SPATS2L: variants seen among roughly 807,000 people sequenced by gnomAD.
SPATS2L encodes spermatogenesis associated serine rich 2 like, also known as SPATS2-like protein.
A neutral mutation model predicts 59.6 loss-of-function variants in SPATS2L; 30 were observed. The ratio of observed to expected loss-of-function variants is 0.50; its 90% CI spans 0.38 to 0.68. The LOEUF (loss-of-function observed/expected upper bound fraction) is 0.68, where lower values mean the gene tolerates loss of function less well. Ranked by LOEUF, SPATS2L falls within the 30% of genes least tolerant of loss-of-function variation. SPATS2L has a pLI of 0.00. For synonymous variants in SPATS2L, 252 were observed against 263.5 expected (o/e 0.96, Z 0.42); for missense variants, 615 against 700.0 (o/e 0.88, Z 1.37).
rs565145811 is a variant in SPATS2L at position 200,476,186 on chromosome 2, G to A, written c.1282-1450G>A. On this transcript the variant is annotated intron_variant, in intron 12 of 12. Transcript: ENST00000409140. Reference sequence around the variant, plus strand: ...GCTCATCCATTTACGTTCCTGGTCAGTGATGTGTTGAAGGAATGATTTTTT... The same window carrying A: ...GCTCATCCATTTACGTTCCTGGTCAATGATGTGTTGAAGGAATGATTTTTT... Among the ~76,000 whole-genome samples, 42 of 152,288 alleles carry A rather than the reference G, an allele frequency of 2.8e-4. No individual in the cohort carries two copies. The South Asian group carries it at 7.7e-3, about 28-fold the overall frequency.
At chr2:200,317,182 T>A (rs988096072) in intron 1 of SPATS2L, among the ~76,000 whole-genome samples, 3 of 152,214 alleles carry the variant, frequency 2.0e-5, no homozygotes, top group African/African-American at 7.2e-5. Flanking sequence ...AAACTCTATT[T>A]AGTTTCCTAT....
At chr2:200,388,441 G>A (rs2082062165) in intron 2 of SPATS2L, among the ~76,000 whole-genome samples, 1 of 151,986 alleles carries the variant, frequency 6.6e-6, no homozygotes, top group East Asian at 1.9e-4. Context: ...GTGTGGTGGT[G>A]CATACCTGCA....
At chr2:200,395,749 G>C (rs938545912) in intron 3 of SPATS2L, among the ~76,000 whole-genome samples, 2 of 151,896 alleles carry the variant, frequency 1.3e-5, no homozygotes, top group Admixed American at 6.6e-5. Flanking sequence ...GCCTGGCATG[G>C]TGGCTCACAC....
intron 9 of SPATS2L, chr2:200,461,423 C>T (rs1268969195): frequency 6.6e-6 from 1 of 152,114 alleles, no homozygotes; most frequent in African/African-American, 2.4e-5. Flanking sequence ...AGAAGAATTA[C>T]CATCTTAAAT....
chr2:200,330,847 C>A (rs981918070), intron 2 of SPATS2L, among the ~76,000 whole-genome samples: 4 of 152,206 alleles, frequency 2.6e-5, no homozygotes, highest in African/African-American at 9.7e-5. Context: ...ATGTTTTACC[C>A]TGCAAAAGAT....
At chr2:200,408,292 G>A (rs548264545) in intron 3 of SPATS2L, among the ~76,000 whole-genome samples, 8 of 152,302 alleles carry the variant, frequency 5.3e-5, no homozygotes, top group African/African-American at 1.7e-4. Context: ...GCAAGTTGGA[G>A]CCCAATTGTT....
At chr2:200,464,558 G>C (rs1005690158) in intron 9 of SPATS2L, among the ~76,000 whole-genome samples, 3 of 152,184 alleles carry the variant, frequency 2.0e-5, no homozygotes, top group African/African-American at 7.2e-5. Flanking sequence ...AGAAAAGTTA[G>C]ATCTGTTGGA....
chr2:200,307,653 G>T (rs1013594865), intron 1 of SPATS2L, among the ~76,000 whole-genome samples: 3 of 152,232 alleles, frequency 2.0e-5, no homozygotes, highest in African/African-American at 7.2e-5. Context: ...GCTGGACGCC[G>T]GCGCACTCTG....
intron 2 of SPATS2L, among the ~76,000 whole-genome samples, chr2:200,334,609 T>A (rs1345937171): frequency 2.6e-5 from 4 of 151,890 alleles, no homozygotes; most frequent in Admixed American, 6.6e-5. Flanking sequence ...CTGAATGGTA[T>A]TGCCTAGGTT....
chr2:200,307,414 G>A (rs971824775), intron 1 of SPATS2L, among the ~76,000 whole-genome samples: 4 of 151,944 alleles, frequency 2.6e-5, no homozygotes, highest in African/African-American at 9.7e-5. Flanking sequence ...TCGGATCCCA[G>A]CCGGGTGCGG....
intron 1 of SPATS2L, among the ~76,000 whole-genome samples, chr2:200,311,082 T>G (rs2079178623): frequency 6.6e-6 from 1 of 152,212 alleles, no homozygotes; most frequent in Non-Finnish European, 1.5e-5. Flanking sequence ...ACCGATAAAA[T>G]GAATAAATGT....
intron 2 of SPATS2L, among the ~76,000 whole-genome samples, chr2:200,371,621 T>C (rs2081429392): frequency 6.6e-6 from 1 of 152,174 alleles, no homozygotes; most frequent in Non-Finnish European, 1.5e-5. Context: ...GAGGAATAAG[T>C]GCACTCTCAA....
intron 8 of SPATS2L, among the ~76,000 whole-genome samples, chr2:200,456,917 T>C (rs752154200): frequency 9.2e-5 from 14 of 152,158 alleles, no homozygotes; most frequent in Non-Finnish European, 1.3e-4. Context: ...TTCCTCTCTA[T>C]CTGCTTTTCA....
chr2:200,431,487 C>T (rs2083929483), intron 6 of SPATS2L, among the ~76,000 whole-genome samples: 2 of 152,176 alleles, frequency 1.3e-5, no homozygotes, highest in African/African-American at 4.8e-5. Context: ...CCAAATACAA[C>T]TACTTTACAA....
intron 4 of SPATS2L, among the ~76,000 whole-genome samples, chr2:200,413,313 T>C (rs1286140215): frequency 6.6e-6 from 1 of 152,202 alleles, no homozygotes; most frequent in Non-Finnish European, 1.5e-5. Flanking sequence ...TCTAAAATCT[T>C]TTTGCTTTAT....
At chr2:200,402,815 T>C (rs2082570092) in intron 3 of SPATS2L, among the ~76,000 whole-genome samples, 10 of 152,236 alleles carry the variant, frequency 6.6e-5, no homozygotes, top group Admixed American at 6.5e-4. Context: ...TACTTGGCCA[T>C]GGCCTACACA....
intron 8 of SPATS2L, among the ~76,000 whole-genome samples, chr2:200,459,096 G>A (rs2086062301): frequency 1.3e-5 from 2 of 152,202 alleles, no homozygotes; most frequent in African/African-American, 4.8e-5. Flanking sequence ...TGGGGGTTGG[G>A]ATGGGATAGG....
At chr2:200,342,301 C>G (rs1469782232) in intron 2 of SPATS2L, among the ~76,000 whole-genome samples, 1 of 152,128 alleles carries the variant, frequency 6.6e-6, no homozygotes, top group Non-Finnish European at 1.5e-5. Flanking sequence ...AGGCTGCAGA[C>G]TAAAATGACT....
Position 200,478,945 on chromosome 2 carries a change from C to T in SPATS2L, c.*914C>T, listed in dbSNP as rs1395168716. On this transcript the variant is annotated 3_prime_UTR_variant, in exon 13 of 13. Transcript: ENST00000409140. ...TTTTTGAGACAGTCTTGCTTTGTCA[C>T]CCAGGTGGAGTGCAATGGCATGATC... 1 of 151,342 alleles carries T rather than the reference C, an allele frequency of 6.6e-6. No homozygotes were observed. Among genetic ancestry groups the T allele is most frequent in the Non-Finnish European group, 1.5e-5 (1 of 68,028 alleles). The allele number at this position is 151,342 out of a possible 1,614,324, so 9.4% of individuals were successfully genotyped here. A position where few individuals can be genotyped will look rare whatever the true frequency, so the allele number is the denominator to read the frequency against.
Sources: gnomAD v4.1 joint callset for allele counts (sites outside exome capture counted in the v4.1 genomes callset) on GRCh38, gnomAD v4.1.1 for gene constraint, MANE v1.5 for transcripts, NCBI Gene and HGNC (gene_info 2026-07-23, HGNC 2026-07-21) for gene names.